CLEC16A: variants seen among roughly 807,000 people sequenced by gnomAD.
CLEC16A encodes the protein C-type lectin domain containing 16A.
In CLEC16A, 51 loss-of-function variants were observed where a neutral mutation model predicts 109.5. That is an observed-to-expected ratio of 0.47 (90% CI 0.37 to 0.59). The LOEUF (loss-of-function observed/expected upper bound fraction) is 0.59, where lower values mean the gene tolerates loss of function less well. CLEC16A is among the 20% of genes least tolerant of loss of function. CLEC16A has a pLI of 0.00. For synonymous variants in CLEC16A, 673 were observed against 564.2 expected, an observed-to-expected ratio of 1.19 and a Z score of -2.73; for missense variants, 1,339 against 1,394.0, an observed-to-expected ratio of 0.96 and a Z score of 0.63.
chr16:10,944,578 G>A lies in CLEC16A; in HGVS notation c.-140G>A. 2.5e-6 allele frequency: 2 copies of A among 807,600 alleles called. No homozygotes were observed. The highest frequency in any genetic ancestry group is 2.7e-5 in the East Asian group (1 of 36,870). The allele number at this position is 807,600 out of a possible 1,614,324, so 50.0% of individuals were successfully genotyped here. The stretch of plus-strand genomic sequence containing the variant: ...GGCTGAATGTCAGTGCTGGGCTGTG[G>A]GCCGGGGAGGAAGGCGGCTCGCGGT... On this transcript the variant is annotated 5_prime_UTR_variant, in exon 1 of 24. Transcript: ENST00000409790.
In CLEC16A at chr16:10,973,064, A is replaced by G. The variant is rs200859338; in HGVS notation, c.728+3A>G. ...GACTGCGTGCAGACTGATGAGGAGT[A>G]AGTGACACCCCCAGGGCCACTCAGT... On this transcript the variant is annotated splice_donor_region_variant and intron_variant, in intron 7 of 23. Transcript: ENST00000409790. 15 of 1,601,076 alleles carry G rather than the reference A, an allele frequency of 9.4e-6. No homozygotes were observed. The East Asian group carries it at 3.1e-4, about 33-fold the overall frequency.
At chr16:11,127,869 CAAAAAG>C (rs769823053) in intron 22 of CLEC16A, among the ~76,000 whole-genome samples, 3 of 152,040 alleles carry the variant, frequency 2.0e-5, no homozygotes, top group Non-Finnish European at 4.4e-5. Context: ...GACCCTGTCT[CAAAAAG>C]AAAAGAAAAA....
chr16:11,034,370 T>G (rs1317015738), intron 13 of CLEC16A, among the ~76,000 whole-genome samples: 2 of 152,210 alleles, frequency 1.3e-5, no homozygotes, highest in African/African-American at 4.8e-5. Flanking sequence ...GTTCTCGTGG[T>G]GTCTTTATCC....
At chr16:11,167,959 A>G (rs2068342476) in intron 23 of CLEC16A, among the ~76,000 whole-genome samples, 1 of 152,148 alleles carries the variant, frequency 6.6e-6, no homozygotes, top group South Asian at 2.1e-4. Context: ...TTGTGTGTTC[A>G]TGCACCCCAA....
intron 19 of CLEC16A, among the ~76,000 whole-genome samples, chr16:11,081,202 G>A (rs2049695306): frequency 6.6e-6 from 1 of 152,210 alleles, no homozygotes. Context: ...GGTGCAGGGT[G>A]GAGGCATGCC....
intron 13 of CLEC16A, among the ~76,000 whole-genome samples, chr16:11,029,309 G>T (rs2046605148): frequency 6.6e-6 from 1 of 152,090 alleles, no homozygotes; most frequent in African/African-American, 2.4e-5. Flanking sequence ...GCTTCATTCT[G>T]GCAGGTCTTT....
intron 15 of CLEC16A, among the ~76,000 whole-genome samples, chr16:11,043,758 G>A (rs1315710844): frequency 6.6e-6 from 1 of 151,928 alleles, no homozygotes; most frequent in Non-Finnish European, 1.5e-5. Context: ...CCAGCTACTC[G>A]GGAGGTTGAG....
At chr16:10,998,853 T>G (rs1047300422) in intron 10 of CLEC16A, among the ~76,000 whole-genome samples, 1 of 152,166 alleles carries the variant, frequency 6.6e-6, no homozygotes, top group Non-Finnish European at 1.5e-5. Context: ...GGCTTCAGAC[T>G]GGAGCATCCT....
At chr16:11,175,282 G>T (rs1214977471) in intron 23 of CLEC16A, among the ~76,000 whole-genome samples, 1 of 152,168 alleles carries the variant, frequency 6.6e-6, no homozygotes, top group South Asian at 2.1e-4. Flanking sequence ...CGGGATGTCT[G>T]TCCGCTGCTT....
intron 22 of CLEC16A, among the ~76,000 whole-genome samples, chr16:11,126,954 A>T (rs1036685666): frequency 2.0e-5 from 3 of 152,248 alleles, no homozygotes; most frequent in East Asian, 3.8e-4. Context: ...CAGCCATAGG[A>T]ACCTGCTCAA....
intron 22 of CLEC16A, among the ~76,000 whole-genome samples, chr16:11,142,104 T>C (rs1453309004): frequency 2.6e-5 from 4 of 152,126 alleles, no homozygotes; most frequent in Non-Finnish European, 5.9e-5. Context: ...GAGGCAGGTA[T>C]GGTTACTCTC....
At chr16:11,105,491 A>G (rs1289512270) in intron 19 of CLEC16A, among the ~76,000 whole-genome samples, 1 of 152,232 alleles carries the variant, frequency 6.6e-6, no homozygotes, top group Non-Finnish European at 1.5e-5. Flanking sequence ...AAGAGTCTTA[A>G]AATTTGACAC....
At chr16:10,986,207 T>C (rs999590983) in intron 10 of CLEC16A, among the ~76,000 whole-genome samples, 2 of 151,464 alleles carry the variant, frequency 1.3e-5, no homozygotes, top group Admixed American at 1.3e-4. Context: ...ATTTTTTGTA[T>C]TTTTAGTAGA....
intron 23 of CLEC16A, among the ~76,000 whole-genome samples, chr16:11,177,989 C>T (rs1195834525): frequency 3.3e-5 from 5 of 152,148 alleles, no homozygotes; most frequent in Non-Finnish European, 1.5e-5. Context: ...ATCAGGCAGG[C>T]CTGAGATTTG....
intron 2 of CLEC16A, 110 bp downstream of exon 2, chr16:10,958,020 C>G: frequency 9.3e-7 from 1 of 1,073,762 alleles, no homozygotes; most frequent in Non-Finnish European, 1.4e-6. Flanking sequence ...CTAATTTGAT[C>G]TTGCCTAGAT....
At chr16:11,169,596 ACACTTTG>A (rs1449382577) in intron 23 of CLEC16A, among the ~76,000 whole-genome samples, 4 of 152,252 alleles carry the variant, frequency 2.6e-5, no homozygotes, top group South Asian at 4.1e-4. Context: ...CCTCCTTTGC[ACACTTTG>A]CATGGCCAGG....
chr16:11,002,945 G>C (rs1250440895), intron 10 of CLEC16A, 129 bp from the exon 11 acceptor site: 5 of 698,416 alleles, frequency 7.2e-6, no homozygotes, highest in African/African-American at 3.6e-5. Context: ...TGCGAGTGCA[G>C]CTATCTTATG....
rs535263158 is a variant in CLEC16A at position 11,154,266 on chromosome 16, T to C, written c.2642-12122T>C. On this transcript the variant is annotated intron_variant, in intron 22 of 23. Transcript: ENST00000409790. ...TTGAACCATATGAAATGGCTGTTTC[T>C]GTAGGTCAAGTTAGTTGAATATTGG... Among the ~76,000 whole-genome samples the C allele has an allele frequency of 1.8e-3, 275 of 152,372 alleles. 2 individuals carry two copies. The highest frequency in any genetic ancestry group is 6.4e-3 in the African/African-American group (266 of 41,580).
chr16:11,164,703 A>G (rs1386329666), intron 22 of CLEC16A, among the ~76,000 whole-genome samples: 2 of 152,242 alleles, frequency 1.3e-5, no homozygotes, highest in African/African-American at 4.8e-5. Context: ...CCGCTGATCG[A>G]GAAAGCAGCC....
Sources: gnomAD v4.1 joint callset for allele counts (sites outside exome capture counted in the v4.1 genomes callset) on GRCh38, gnomAD v4.1.1 for gene constraint, MANE v1.5 for transcripts, NCBI Gene and HGNC (gene_info 2026-07-23, HGNC 2026-07-21) for gene names.